The following YLPM1 variants were observed in gnomAD, a reference collection of about 807,000 sequenced individuals.
YLPM1 encodes the protein YLP motif-containing protein 1.
In YLPM1, 99 loss-of-function variants were observed where a neutral mutation model predicts 230.0. The ratio of observed to expected loss-of-function variants is 0.43; its 90% CI spans 0.37 to 0.51. YLPM1 has a LOEUF of 0.51. YLPM1 is among the 20% of genes least tolerant of loss of function. The pLI is 0.00. For synonymous variants in YLPM1, 984 were observed against 942.5 expected, an observed-to-expected ratio of 1.04 and a Z score of -0.81; for missense variants, 2,592 against 2,707.7, an observed-to-expected ratio of 0.96 and a Z score of 0.95.
chr14:74,785,144 G>T (rs1327713609), intron 4 of YLPM1, among the ~76,000 whole-genome samples: 1 of 152,056 alleles, frequency 6.6e-6, no homozygotes, highest in East Asian at 1.9e-4. Context: ...TCCTGAACTT[G>T]TGTGGTTGGT....
chr14:74,776,562 G>A (rs763412453), intron 1 of YLPM1, among the ~76,000 whole-genome samples: 2 of 152,122 alleles, frequency 1.3e-5, no homozygotes, highest in Non-Finnish European at 2.9e-5. Flanking sequence ...CAACAAAAAA[G>A]CACAAAAGTT....
At chr14:74,785,491 A>G (rs2091139156) in intron 4 of YLPM1, among the ~76,000 whole-genome samples, 1 of 152,178 alleles carries the variant, frequency 6.6e-6, no homozygotes, top group South Asian at 2.1e-4. Context: ...ACCCAGGCAT[A>G]GTTCTTTTTC....
chr14:74,784,698 C>G (rs1182113198), intron 4 of YLPM1, among the ~76,000 whole-genome samples: 1 of 152,208 alleles, frequency 6.6e-6, no homozygotes, highest in African/African-American at 2.4e-5. Flanking sequence ...TCTGTTGATT[C>G]TAGATTTGCC....
At position 74,781,757 on chromosome 14, in the gene YLPM1, T is replaced by C. The variant is rs1407617125; in HGVS notation, c.1714T>C (p.Ser572Pro). ...PPVMPPSLPT[S>P]VPPPGMPPSL... ...TGTTATGCCACCTTCTCTACCAACC[T>C]CTGTTCCCCCACCAGGGATGCCTCC... The change falls in exon 4 of 21, where the codon TCT becomes CCT. Residue 572 changes from serine (S) to proline (P), a missense_variant. Physicochemically the swap from Ser to Pro is moderately conservative, Grantham distance 74. Around this residue, in one of 4 missense-constraint regions of YLPM1, gnomAD observed 1,862 missense variants for 1,819.8 expected, o/e 1.02. Transcript: ENST00000325680. 1 of 1,594,662 alleles carries C rather than the reference T, an allele frequency of 6.3e-7. No homozygotes were observed. Among genetic ancestry groups the C allele is most frequent in the Non-Finnish European group, 8.5e-7 (1 of 1,175,178 alleles).
intron 4 of YLPM1, among the ~76,000 whole-genome samples, chr14:74,790,842 A>G (rs2091199560): frequency 6.6e-6 from 1 of 152,226 alleles, no homozygotes; most frequent in Admixed American, 6.5e-5. Flanking sequence ...TAATATGAGT[A>G]TCTCTTGATA....
At chr14:74,765,959 T>C (rs2090907429) in intron 1 of YLPM1, among the ~76,000 whole-genome samples, 1 of 152,202 alleles carries the variant, frequency 6.6e-6, no homozygotes, top group Admixed American at 6.5e-5. Flanking sequence ...TTTCTTCTTT[T>C]TAGAATTCAT....
chr14:74,775,163 C>A (rs899154908), intron 1 of YLPM1, among the ~76,000 whole-genome samples: 1 of 152,112 alleles, frequency 6.6e-6, no homozygotes, highest in African/African-American at 2.4e-5. Context: ...GGAATTTATT[C>A]TTCCCAATAG....
chr14:74,767,669 C>G (rs1187466673), intron 1 of YLPM1, among the ~76,000 whole-genome samples: 1 of 152,248 alleles, frequency 6.6e-6, no homozygotes, highest in African/African-American at 2.4e-5. Flanking sequence ...GAACCCTTGA[C>G]CTAGGTCAGT....
At chr14:74,835,119 T>C in intron 19 of YLPM1, 146 bp from the exon 20 acceptor site, 3 of 1,007,346 alleles carry the variant, frequency 3.0e-6, no homozygotes, top group Non-Finnish European at 4.2e-6. Context: ...TATATGGCTT[T>C]TCCCAGTTTT....
Position 74,793,778 on chromosome 14 carries a change from G to A in YLPM1, c.2283-3802G>A, listed in dbSNP as rs1387613570. Among the ~76,000 whole-genome samples the A allele has an allele frequency of 3.3e-5, 5 of 152,106 alleles. No homozygotes were observed. The East Asian group carries it at 9.6e-4, about 29-fold the overall frequency. On this transcript the variant is annotated intron_variant, in intron 4 of 20. Coordinates refer to ENST00000325680, the MANE Select transcript of YLPM1 (RefSeq NM_019589.3). ...GGTAAGGAACTGTTACTACTGCTAG[G>A]GGACTCTCAAATTCAAGGATTTAAG...
At chr14:74,821,319 T>C in intron 17 of YLPM1, 182 bp downstream of exon 17, 1 of 848,942 alleles carries the variant, frequency 1.2e-6, no homozygotes, top group Non-Finnish European at 1.7e-6. Context: ...AAAAGAACCC[T>C]CTAATGTGGT....
intron 18 of YLPM1, among the ~76,000 whole-genome samples, chr14:74,825,476 A>G (rs1433169059): frequency 6.6e-6 from 1 of 152,128 alleles, no homozygotes; most frequent in African/African-American, 2.4e-5. Context: ...TCTGTGGGAA[A>G]TCTTAATAAT....
intron 16 of YLPM1, among the ~76,000 whole-genome samples, chr14:74,819,296 G>A (rs1414199863): frequency 7.8e-5 from 11 of 141,458 alleles, no homozygotes; most frequent in African/African-American, 2.1e-4. Flanking sequence ...TTTTTTTGAG[G>A]TGGAGTCTCA....
In YLPM1 at chr14:74,816,647, A is replaced by T; in HGVS notation, c.5642A>T (p.Lys1881Ile). Reference protein sequence around the residue: ...LDDYFITEVEKEEKDPDSGKK... With the variant: ...LDDYFITEVEIEEKDPDSGKK... ...GATTACTTCATCACTGAAGTGGAAA[A>T]AGAAGAAAAAGATCCAGATTCTGGA... The change falls in exon 13 of 21, where the codon AAA becomes ATA. Residue 1881 changes from lysine (K) to isoleucine (I), a missense_variant. By Grantham distance (102) the Lys-to-Ile change is moderately radical. Coordinates refer to ENST00000325680, the MANE Select transcript of YLPM1 (RefSeq NM_019589.3). 6.2e-7 allele frequency: 1 copy of T among 1,613,696 alleles called. No individual in the cohort carries two copies. The highest frequency in any genetic ancestry group is 1.7e-5 in the Admixed American group (1 of 59,992).
rs2090869077 is a variant in YLPM1, at chr14:74,763,403, C to T, written c.-87C>T. 2.2e-6 allele frequency: 3 copies of T among 1,374,312 alleles called. No homozygotes were observed. The highest frequency in any genetic ancestry group is 6.1e-5 in the Admixed American group (2 of 32,944). 85.1% of individuals were successfully genotyped at this position (1,374,312 alleles called of 1,614,324 possible). A position where few individuals can be genotyped will look rare whatever the true frequency, so the allele number is the denominator to read the frequency against. ...CGGGGCCTGTAGGCGCCGCGAGTTC[C>T]GGCTGTCGCCGTCGCCGCCGCGGCT... On this transcript the variant is annotated 5_prime_UTR_variant, in exon 1 of 21. Transcript: ENST00000325680.
chr14:74,791,726 C>T (rs544702020), intron 4 of YLPM1, among the ~76,000 whole-genome samples: 1 of 152,296 alleles, frequency 6.6e-6, no homozygotes, highest in African/African-American at 2.4e-5. Context: ...CTCACTCTTC[C>T]TGTGGACAGT....
chr14:74,787,259 G>T (rs534033722), intron 4 of YLPM1, among the ~76,000 whole-genome samples: 12 of 151,980 alleles, frequency 7.9e-5, no homozygotes, highest in African/African-American at 2.2e-4. Context: ...TTCTTAATGA[G>T]CACTTGAATG....
rs757699857 is a variant in YLPM1, at chr14:74,763,987, C to T, written c.498C>T (p.Pro166=). The T allele has an allele frequency of 1.9e-6, 3 of 1,574,930 alleles. No homozygotes were observed. The highest frequency in any genetic ancestry group is 2.3e-5 in the East Asian group (1 of 42,820). The change falls in exon 1 of 21, where the codon CCC becomes CCT. Residue 166 remains proline, a synonymous_variant. Transcript: ENST00000325680. ...TGCCCCCATCTCAGTCTTACATGCC[C>T]CCACCTCAGCCGCCACCCTCTTACT... ...SYMPPSQSYM[P]PPQPPPSYYP...
At chr14:74,772,613 T>C (rs1338913317) in intron 1 of YLPM1, among the ~76,000 whole-genome samples, 1 of 152,164 alleles carries the variant, frequency 6.6e-6, no homozygotes, top group African/African-American at 2.4e-5. Flanking sequence ...CGCCTTGGCC[T>C]CCCAAAGTGC....
Sources: allele counts gnomAD v4.1 joint callset (sites outside exome capture counted in the v4.1 genomes callset), GRCh38; gene constraint gnomAD v4.1.1; regional missense constraint gnomAD v4.1.1; transcripts MANE v1.5; gene names NCBI Gene and HGNC (gene_info 2026-07-23, HGNC 2026-07-21).